The following DNAJC10 variants were observed in gnomAD, a reference collection of about 807,000 sequenced individuals.
DNAJC10 encodes DnaJ heat shock protein family (Hsp40) member C10.
Under a neutral mutation model 115.0 loss-of-function variants are expected in DNAJC10, and 101 were observed. The observed-to-expected ratio is 0.88, with a 90% CI of 0.75 to 1.04. DNAJC10 has a LOEUF of 1.04. Ranked by LOEUF, DNAJC10 falls within the 50% of genes least tolerant of loss-of-function variation. The pLI is 0.00. For missense variants in DNAJC10, 981 were observed against 928.8 expected (o/e 1.06, Z -0.73); for synonymous variants, 307 against 301.5 (o/e 1.02, Z -0.19).
chr2:182,792,802 T>A lies in DNAJC10; in HGVS notation c.*15670T>A, dbSNP rs968945698. The A allele has an allele frequency of 4.6e-5, 7 of 152,148 alleles. No individual in the cohort carries two copies. The highest frequency in any genetic ancestry group is 1.0e-4 in the Non-Finnish European group (7 of 68,018). The allele number at this position is 152,148 out of a possible 1,614,324, so 9.4% of individuals were successfully genotyped here. Reference sequence around the variant, plus strand: ...GAGCCCCATGTCACTCAGCAAACATTTATTTGAGTACTTACAATGTGCTAG... The same window carrying A: ...GAGCCCCATGTCACTCAGCAAACATATATTTGAGTACTTACAATGTGCTAG... On this transcript the variant is annotated 3_prime_UTR_variant, in exon 24 of 24. Transcript: ENST00000264065.
chr2:182,762,849 A>T, intron 22 of DNAJC10, 48 bp downstream of exon 22: 2 of 1,580,402 alleles, frequency 1.3e-6, no homozygotes. Context: ...GCCAAGCTCA[A>T]AAGATGTGTT....
At chr2:182,755,188 G>GATT in intron 17 of DNAJC10, 84 bp downstream of exon 17, 1 of 832,348 alleles carries the variant, frequency 1.2e-6, no homozygotes, top group East Asian at 2.6e-5. Flanking sequence ...TGTTTAATAG[G>GATT]ATTTACTCTT....
At chr2:182,773,958 C>T (rs558004040) in intron 22 of DNAJC10, among the ~76,000 whole-genome samples, 2 of 147,220 alleles carry the variant, frequency 1.4e-5, no homozygotes, top group East Asian at 3.9e-4. Context: ...TTCTCCCCAT[C>T]TTTGTGGTTT....
chr2:182,752,988 G>A (rs1433326525), intron 16 of DNAJC10, among the ~76,000 whole-genome samples: 2 of 152,146 alleles, frequency 1.3e-5, no homozygotes, highest in African/African-American at 4.8e-5. Context: ...AGAGATAATT[G>A]GGGAAATGTG....
At chr2:182,732,377 T>C (rs563659467) in intron 9 of DNAJC10, 122 bp from the exon 10 acceptor site, 121 of 858,130 alleles carry the variant, frequency 1.4e-4, no homozygotes, top group Non-Finnish European at 2.3e-4. Flanking sequence ...TATCTATCAA[T>C]AGAGTCCAGC....
chr2:182,775,659 A>AT (rs1694687075), intron 23 of DNAJC10, among the ~76,000 whole-genome samples: 1 of 152,188 alleles, frequency 6.6e-6, no homozygotes, highest in Admixed American at 6.5e-5. Flanking sequence ...TGGTCCATGC[A>AT]AAAACATGTA....
chr2:182,747,493 A>G (rs1046230558), intron 14 of DNAJC10, among the ~76,000 whole-genome samples: 7 of 146,398 alleles, frequency 4.8e-5, no homozygotes, highest in Non-Finnish European at 9.0e-5. Context: ...CTTTGTAGCA[A>G]TTGTGAATGG....
intron 5 of DNAJC10, among the ~76,000 whole-genome samples, chr2:182,724,049 C>A (rs1205375592): frequency 6.6e-6 from 1 of 152,148 alleles, no homozygotes; most frequent in Admixed American, 6.5e-5. Flanking sequence ...CTTCTAAGCT[C>A]TTCTATTATA....
chr2:182,729,905 C>T lies in DNAJC10; in HGVS notation c.691C>T (p.Gln231Ter). Residue 231 changes from glutamine to a stop codon, truncating the protein, a stop_gained, in exon 8 of 24, where the codon CAG (glutamine) becomes TAG (stop). Transcript: ENST00000264065. LOFTEE classifies it high-confidence loss of function. ...GGAGAGTTTAGTGAGTTTTGCAATG[C>T]AGCATGTTAGAAGTACAGTGACAGA... ...SKESLVSFAM[Q>*]HVRSTVTELW... 1.2e-6 allele frequency: 2 copies of T among 1,609,678 alleles called. No homozygotes were observed. The highest frequency in any genetic ancestry group is 8.5e-7 in the Non-Finnish European group (1 of 1,177,914).
Position 182,779,370 on chromosome 2 carries a change from C to T in DNAJC10, c.*2238C>T, listed in dbSNP as rs934815893. 6.6e-6 allele frequency: 1 copy of T among 152,088 alleles called. No homozygotes were observed. The highest frequency in any genetic ancestry group is 2.4e-5 in the African/African-American group (1 of 41,426). The allele number at this position is 152,088 out of a possible 1,614,324, so 9.4% of individuals were successfully genotyped here. A position where few individuals can be genotyped will look rare whatever the true frequency, so the allele number is the denominator to read the frequency against. On this transcript the variant is annotated 3_prime_UTR_variant, in exon 24 of 24. Transcript: ENST00000264065. ...AACACCATTTTTGTGTGCAGCTGAC[C>T]CTCTAACATGGTATCAATTCTAGCT... is the stretch of plus-strand genomic sequence containing the variant.
intron 5 of DNAJC10, among the ~76,000 whole-genome samples, chr2:182,723,198 C>G (rs994232639): frequency 7.9e-5 from 12 of 151,946 alleles, no homozygotes; most frequent in Non-Finnish European, 1.6e-4. Context: ...CGCTACCACA[C>G]CCAGTTAATT....
At chr2:182,736,656 A>G (rs907056665) in intron 11 of DNAJC10, among the ~76,000 whole-genome samples, 1 of 152,214 alleles carries the variant, frequency 6.6e-6, no homozygotes, top group African/African-American at 2.4e-5. Context: ...ATTTAAAACC[A>G]TTATATTTTT....
At chr2:182,736,624 T>G (rs1337450984) in intron 11 of DNAJC10, among the ~76,000 whole-genome samples, 1 of 152,240 alleles carries the variant, frequency 6.6e-6, no homozygotes, top group South Asian at 2.1e-4. Flanking sequence ...TCATTACATC[T>G]TTACATTTAA....
In DNAJC10 at chr2:182,792,036, C is replaced by T. The variant is rs1217481797; in HGVS notation, c.*14904C>T. The T allele has an allele frequency of 6.6e-6, 1 of 152,060 alleles. No homozygotes were observed. Among genetic ancestry groups the T allele is most frequent in the Non-Finnish European group, 1.5e-5 (1 of 68,000 alleles). The allele number at this position is 152,060 out of a possible 1,614,324, so 9.4% of individuals were successfully genotyped here. ...TCAGTCCTGTTGATTAGTATGTTTC[C>T]CTGTCCTAGAGTGCATGAACTTTCA... is the stretch of plus-strand genomic sequence containing the variant. On this transcript the variant is annotated 3_prime_UTR_variant, in exon 24 of 24. Coordinates refer to ENST00000264065, the MANE Select transcript of DNAJC10 (RefSeq NM_018981.4).
chr2:182,779,145 T>G lies in DNAJC10; in HGVS notation c.*2013T>G, dbSNP rs1694781997. 6.6e-6 allele frequency: 1 copy of G among 152,194 alleles called. No homozygotes were observed. The highest frequency in any genetic ancestry group is 6.5e-5 in the Admixed American group (1 of 15,272). 9.4% of individuals were successfully genotyped at this position (152,194 alleles called of 1,614,324 possible). A position where few individuals can be genotyped will look rare whatever the true frequency, so the allele number is the denominator to read the frequency against. On this transcript the variant is annotated 3_prime_UTR_variant, in exon 24 of 24. Coordinates refer to ENST00000264065, the MANE Select transcript of DNAJC10 (RefSeq NM_018981.4). Reference sequence around the variant, plus strand: ...TAAGCTGTGTGCCTTTGGAATCAGCTCTAAGCCAGGGCCCCCTGGGAGTCA... The same window carrying G: ...TAAGCTGTGTGCCTTTGGAATCAGCGCTAAGCCAGGGCCCCCTGGGAGTCA...
intron 9 of DNAJC10, among the ~76,000 whole-genome samples, chr2:182,731,942 G>C (rs1202721870): frequency 6.6e-6 from 1 of 152,092 alleles, no homozygotes; most frequent in Non-Finnish European, 1.5e-5. Context: ...TACATTCTCT[G>C]AGATTCTTTT....
chr2:182,768,918 T>C (rs1694485704), intron 22 of DNAJC10, among the ~76,000 whole-genome samples: 1 of 152,198 alleles, frequency 6.6e-6, no homozygotes, highest in South Asian at 2.1e-4. Flanking sequence ...GTTGGTTTGC[T>C]GCACCCATCA....
chr2:182,746,149 G>A (rs1693859928), intron 14 of DNAJC10, among the ~76,000 whole-genome samples: 1 of 152,064 alleles, frequency 6.6e-6, no homozygotes, highest in Non-Finnish European at 1.5e-5. Context: ...TTGGACATTT[G>A]GGTTGGTTCC....
intron 14 of DNAJC10, among the ~76,000 whole-genome samples, chr2:182,745,692 A>AT (rs573985098): frequency 0.019 from 2,759 of 141,794 alleles, 36 homozygotes; most frequent in African/African-American, 0.045. Flanking sequence ...ACAAATTTTT[A>AT]TTTTTTTTTT....
Sources: allele counts gnomAD v4.1 joint callset (sites outside exome capture counted in the v4.1 genomes callset), GRCh38; gene constraint gnomAD v4.1.1; transcripts MANE v1.5; gene names NCBI Gene and HGNC (gene_info 2026-07-23, HGNC 2026-07-21).